ATP9B: variants seen among roughly 807,000 people sequenced by gnomAD.
ATP9B encodes ATPase phospholipid transporting 9B, also known as probable phospholipid-transporting ATPase IIB.
A neutral mutation model predicts 146.1 loss-of-function variants in ATP9B; 110 were observed. The observed-to-expected ratio is 0.75, with a 90% CI of 0.65 to 0.88. The LOEUF (loss-of-function observed/expected upper bound fraction) is 0.88. Among genes scored for constraint, ATP9B ranks in the 40% least tolerant of loss-of-function variants. ATP9B has a pLI of 0.00. For missense variants in ATP9B, 1,499 were observed against 1,496.4 expected (o/e 1.00, Z -0.03); for synonymous variants, 604 against 569.7 (o/e 1.06, Z -0.86).
At chr18:79,121,052 G>A (rs1414808494) in intron 4 of ATP9B, among the ~76,000 whole-genome samples, 1 of 152,158 alleles carries the variant, frequency 6.6e-6, no homozygotes, top group Non-Finnish European at 1.5e-5. Flanking sequence ...CTGTAAATTA[G>A]AGGTAAAGAT....
rs2075879536 is a variant in ATP9B, at chr18:79,109,738, G to T, written c.294-617G>T. Among the ~76,000 whole-genome samples, 2 of 151,924 alleles carry T rather than the reference G, an allele frequency of 1.3e-5. 1 individual carries two copies. Among genetic ancestry groups the T allele is most frequent in the South Asian group, 4.2e-4 (2 of 4,810 alleles). ...CTGCCACCATGGCTGGCTAATTTTTGTATTTTTAGTAGAGACGGGGTTTTA... is the reference window on the plus strand; with the variant it reads ...CTGCCACCATGGCTGGCTAATTTTTTTATTTTTAGTAGAGACGGGGTTTTA... On this transcript the variant is annotated intron_variant, in intron 2 of 29. Coordinates refer to ENST00000426216, the MANE Select transcript of ATP9B (RefSeq NM_198531.5).
chr18:79,082,544 A>C (rs1048995163), intron 1 of ATP9B, among the ~76,000 whole-genome samples: 1 of 152,190 alleles, frequency 6.6e-6, no homozygotes, highest in Non-Finnish European at 1.5e-5. Context: ...TCGTGGATTT[A>C]TCTGCCTTTG....
Position 79,317,536 on chromosome 18 carries a change from A to T in ATP9B, c.1773+10302A>T, listed in dbSNP as rs117544436. 3.6e-3 allele frequency among the ~76,000 whole-genome samples: 550 copies of T among 152,338 alleles called. 1 individual carries two copies. The highest frequency in any genetic ancestry group is 0.01 in the Middle Eastern group (3 of 294). On this transcript the variant is annotated intron_variant, in intron 15 of 29. Transcript: ENST00000426216. ...AAGAGATATGAATATTGACTGTAAA[A>T]TACCATAAAAGTAGTGATTTGTGGG...
chr18:79,308,325 C>A (rs1272908287), intron 15 of ATP9B, among the ~76,000 whole-genome samples: 4 of 152,118 alleles, frequency 2.6e-5, no homozygotes, highest in African/African-American at 9.7e-5. Context: ...GCCCGAGAGA[C>A]ATGAGAACAA....
intron 28 of ATP9B, 170 bp downstream of exon 28, chr18:79,374,271 CGTCG>C (rs2097090260): frequency 1.3e-6 from 1 of 747,448 alleles, no homozygotes; most frequent in Non-Finnish European, 2.1e-6. Context: ...CGCTGAGCCC[CGTCG>C]GTCACTGGCT....
Position 79,189,344 on chromosome 18 carries a change from C to A in ATP9B, c.874-3839C>A, listed in dbSNP as rs1055403405. The stretch of plus-strand genomic sequence containing the variant: ...CCTGGGCGACAGAGCGAGACTCCAT[C>A]AAAAAAAAAAGATAATTTTGTCCTT... On this transcript the variant is annotated intron_variant, in intron 8 of 29. Coordinates refer to ENST00000426216, the MANE Select transcript of ATP9B (RefSeq NM_198531.5). Among the ~76,000 whole-genome samples the A allele has an allele frequency of 3.4e-5, 5 of 148,586 alleles. 1 individual carries two copies. The South Asian group carries it at 6.4e-4, about 19-fold the overall frequency.
intron 6 of ATP9B, among the ~76,000 whole-genome samples, chr18:79,148,529 A>G (rs770409301): frequency 5.3e-5 from 8 of 152,304 alleles, no homozygotes; most frequent in Non-Finnish European, 1.0e-4. Context: ...AGACCATTTG[A>G]CTTAACCCAA....
At chr18:79,315,550 T>C (rs770781357) in intron 15 of ATP9B, among the ~76,000 whole-genome samples, 3 of 152,240 alleles carry the variant, frequency 2.0e-5, no homozygotes, top group Non-Finnish European at 4.4e-5. Flanking sequence ...TAAGAAAATG[T>C]ATATTTTTAC....
At chr18:79,265,043 G>A (rs1443686220) in intron 12 of ATP9B, among the ~76,000 whole-genome samples, 1 of 151,984 alleles carries the variant, frequency 6.6e-6, no homozygotes, top group Non-Finnish European at 1.5e-5. Flanking sequence ...AATTATTTTT[G>A]CTGATACTCT....
In ATP9B at chr18:79,253,407, T is replaced by C; in HGVS notation, c.1134T>C (p.Asn378=). The C allele has an allele frequency of 6.2e-7, 1 of 1,611,082 alleles. No homozygotes were observed. Among genetic ancestry groups the C allele is most frequent in the Non-Finnish European group, 8.5e-7 (1 of 1,179,314 alleles). ...TTGGTTTGTTGGACCTTGAACTCAA[T>C]CGGCTGACGAAAGCGCTATTTTTGG... ...NKVGLLDLEL[N]RLTKALFLAL... Residue 378 remains asparagine, a synonymous_variant, in exon 12 of 30, where the codon AAT becomes AAC. Coordinates refer to ENST00000426216, the MANE Select transcript of ATP9B (RefSeq NM_198531.5).
chr18:79,093,266 AG>A (rs951794197), intron 1 of ATP9B, among the ~76,000 whole-genome samples: 3 of 152,268 alleles, frequency 2.0e-5, no homozygotes, highest in Non-Finnish European at 4.4e-5. Flanking sequence ...CTTTCATCTG[AG>A]AACATCTTTG....
At chr18:79,319,770 T>C (rs1273630352) in intron 15 of ATP9B, among the ~76,000 whole-genome samples, 2 of 152,242 alleles carry the variant, frequency 1.3e-5, no homozygotes, top group Non-Finnish European at 2.9e-5. Flanking sequence ...TGCATGTATG[T>C]GATTCTCCAT....
chr18:79,234,934 G>T (rs897028063), intron 11 of ATP9B, among the ~76,000 whole-genome samples: 1 of 152,110 alleles, frequency 6.6e-6, no homozygotes, highest in Admixed American at 6.5e-5. Context: ...GTTCAGTGGC[G>T]CAGTCTAGGC....
At chr18:79,089,564 T>C (rs2074139088) in intron 1 of ATP9B, among the ~76,000 whole-genome samples, 1 of 152,180 alleles carries the variant, frequency 6.6e-6, no homozygotes, top group Admixed American at 6.5e-5. Flanking sequence ...GCCTAGCATC[T>C]TGGGTGATCT....
In ATP9B at chr18:79,373,889, GT is replaced by G. The variant is rs747071892; in HGVS notation, c.3071-4del. ...CGTGTGCATGGAAAAAGCTCCTGCTGTTTTTCAGGCGGCATCCTCATGTATG... is the reference window on the plus strand; with the variant it reads ...CGTGTGCATGGAAAAAGCTCCTGCTGTTTTCAGGCGGCATCCTCATGTATG... On this transcript the variant is annotated splice_polypyrimidine_tract_variant and splice_region_variant and intron_variant, in intron 27 of 29. Coordinates refer to ENST00000426216, the MANE Select transcript of ATP9B (RefSeq NM_198531.5). 1 of 1,612,490 alleles carries G rather than the reference GT, an allele frequency of 6.2e-7. No homozygotes were observed. Among genetic ancestry groups the G allele is most frequent in the South Asian group, 1.1e-5 (1 of 91,002 alleles).
At chr18:79,371,370 TAAAAAAAAAAAAAA>T (rs59110010) in intron 26 of ATP9B, among the ~76,000 whole-genome samples, 18 of 98,084 alleles carry the variant, frequency 1.8e-4, no homozygotes, top group African/African-American at 4.1e-4. Flanking sequence ...GACTCCGTCT[TAAAAAAAAAAAAAA>T]AAAAAAAAAA....
At chr18:79,297,251 C>T (rs924988352) in intron 13 of ATP9B, among the ~76,000 whole-genome samples, 3 of 140,150 alleles carry the variant, frequency 2.1e-5, no homozygotes, top group South Asian at 4.9e-4. Context: ...GAGACGCAGA[C>T]GACCCAGAGA....
intron 15 of ATP9B, among the ~76,000 whole-genome samples, chr18:79,320,716 G>C (rs748897183): frequency 6.6e-6 from 1 of 152,058 alleles, no homozygotes; most frequent in East Asian, 1.9e-4. Context: ...TCCAGCCCTC[G>C]TTGCTTGTAG....
At chr18:79,167,694 G>A (rs1472598751) in intron 7 of ATP9B, among the ~76,000 whole-genome samples, 1 of 152,178 alleles carries the variant, frequency 6.6e-6, no homozygotes, top group Non-Finnish European at 1.5e-5. Flanking sequence ...CCATGGGCGG[G>A]CCTAGAAAAA....
Sources: allele counts gnomAD v4.1 joint callset (sites outside exome capture counted in the v4.1 genomes callset), GRCh38; gene constraint gnomAD v4.1.1; transcripts MANE v1.5; gene names NCBI Gene and HGNC (gene_info 2026-07-23, HGNC 2026-07-21).